CLEC19A: variants seen among roughly 807,000 people sequenced by gnomAD.
CLEC19A encodes the protein C-type lectin domain family 19 member A.
In CLEC19A, 21 loss-of-function variants were observed where a neutral mutation model predicts 26.1. That is an observed-to-expected ratio of 0.80 (90% CI 0.57 to 1.16). The LOEUF (loss-of-function observed/expected upper bound fraction) is 1.16. CLEC19A is among the 50% of genes most tolerant of loss of function. CLEC19A has a pLI of 0.00. For missense variants in CLEC19A, 224 were observed against 227.6 expected, an observed-to-expected ratio of 0.98 and a Z score of 0.10; for synonymous variants, 89 against 88.6, an observed-to-expected ratio of 1.00 and a Z score of -0.03.
chr16:19,304,253 G>A (rs1897902014), intron 3 of CLEC19A, 98 bp downstream of exon 3: 4 of 951,006 alleles, frequency 4.2e-6, no homozygotes, highest in Non-Finnish European at 4.9e-6. Context: ...TCACGGCTAT[G>A]CACACAGCAT....
intron 2 of CLEC19A, among the ~76,000 whole-genome samples, chr16:19,300,694 A>G (rs1897801885): frequency 6.6e-6 from 1 of 152,236 alleles, no homozygotes; most frequent in Non-Finnish European, 1.5e-5. Flanking sequence ...GTCAGGGTCC[A>G]ACCAGGAAAA....
intron 4 of CLEC19A, 126 bp downstream of exon 4, chr16:19,307,803 C>A: frequency 7.8e-7 from 1 of 1,285,170 alleles, no homozygotes; most frequent in Non-Finnish European, 1.1e-6. Flanking sequence ...TTGTTCAGCA[C>A]CTTGGAGAGC....
chr16:19,298,730 G>A lies in CLEC19A; in HGVS notation c.146G>A (p.Gly49Asp), dbSNP rs535984267. ...CCCCTGTTCTGGATGGAGTTCAAAGGCCACTGCTATCGATTCTTCCCTCTC... is the reference window on the plus strand; with the variant it reads ...CCCCTGTTCTGGATGGAGTTCAAAGACCACTGCTATCGATTCTTCCCTCTC... The part of the protein sequence containing the change: ...LCPLFWMEFK[G>D]HCYRFFPLNK... The change falls in exon 2 of 5, where the codon GGC becomes GAC. Residue 49 changes from glycine to aspartate, a missense_variant. Gly to Asp is a moderately conservative substitution (Grantham distance 94). Transcript: ENST00000636231. 3.0e-5 allele frequency: 46 copies of A among 1,550,972 alleles called. 1 individual carries two copies. The East Asian group carries it at 6.4e-4, about 21-fold the overall frequency.
At chr16:19,286,001 T>G in intron 1 of CLEC19A, 62 bp downstream of exon 1, 1 of 1,475,144 alleles carries the variant, frequency 6.8e-7, no homozygotes, top group Non-Finnish European at 9.3e-7. Flanking sequence ...GAACTTATTC[T>G]ATCGGTGAGG....
intron 1 of CLEC19A, among the ~76,000 whole-genome samples, chr16:19,295,969 A>G (rs1335922873): frequency 6.6e-6 from 1 of 152,204 alleles, no homozygotes; most frequent in Admixed American, 6.5e-5. Context: ...CTCTCCATCA[A>G]GAAAGGAGGG....
At chr16:19,299,745 C>G (rs896540580) in intron 2 of CLEC19A, among the ~76,000 whole-genome samples, 1 of 152,232 alleles carries the variant, frequency 6.6e-6, no homozygotes, top group African/African-American at 2.4e-5. Flanking sequence ...TTTATCACAG[C>G]TTTGCTACCT....
chr16:19,301,727 GTTTTTTTGGTTTTTT>G (rs1288727881), intron 2 of CLEC19A, among the ~76,000 whole-genome samples: 496 of 28,502 alleles, frequency 0.017, 19 homozygotes, highest in African/African-American at 0.04. Context: ...CCATGCCCAG[GTTTTTTTGGTTTTTT>G]TTTTTTTTTT....
rs1296377867 is a variant in CLEC19A, at chr16:19,309,892, C to T, written c.*809C>T. On this transcript the variant is annotated 3_prime_UTR_variant, in exon 5 of 5. Transcript: ENST00000636231. The stretch of plus-strand genomic sequence containing the variant: ...CTCCTGGGCTCAAGGGATCCACCCA[C>T]CTCAGCCTCCCAAAGTACTGGGATT... 6.6e-6 allele frequency: 1 copy of T among 152,112 alleles called. No individual in the cohort carries two copies. Among genetic ancestry groups the T allele is most frequent in the Non-Finnish European group, 1.5e-5 (1 of 68,078 alleles). The allele number at this position is 152,112 out of a possible 1,614,324, so 9.4% of individuals were successfully genotyped here. A position where few individuals can be genotyped will look rare whatever the true frequency, so the allele number is the denominator to read the frequency against.
At position 19,298,747 on chromosome 16, in the gene CLEC19A, T is replaced by C. The variant is rs1897756641; in HGVS notation, c.163T>C (p.Phe55Leu). ...GTTCAAAGGCCACTGCTATCGATTC[T>C]TCCCTCTCAATAAGACCTGGGCTGA... ...MEFKGHCYRF[F>L]PLNKTWAEAD... The change falls in exon 2 of 5, where the codon TTC (phenylalanine) becomes CTC (leucine). Residue 55 changes from phenylalanine (F) to leucine (L), a missense_variant. Phe to Leu is a conservative substitution (Grantham distance 22). Transcript: ENST00000636231. 2 of 1,550,894 alleles carry C rather than the reference T, an allele frequency of 1.3e-6. No homozygotes were observed. The highest frequency in any genetic ancestry group is 1.7e-6 in the Non-Finnish European group (2 of 1,147,112).
In CLEC19A at chr16:19,307,536, C is replaced by A. The variant is rs1897982502; in HGVS notation, c.349-9C>A. 1.3e-6 allele frequency: 2 copies of A among 1,547,690 alleles called. No homozygotes were observed. The highest frequency in any genetic ancestry group is 1.7e-6 in the Non-Finnish European group (2 of 1,146,644). The stretch of plus-strand genomic sequence containing the variant: ...TGCTTCTTTGTCTCTTTGGGTGGAA[C>A]CCTCCCAGGAAGGGCAGTTTGAATG... On this transcript the variant is annotated splice_polypyrimidine_tract_variant and intron_variant, in intron 3 of 4. Coordinates refer to ENST00000636231, the MANE Select transcript of CLEC19A (RefSeq NM_001256720.2).
chr16:19,303,481 T>C (rs890188657), intron 2 of CLEC19A, among the ~76,000 whole-genome samples: 1 of 152,218 alleles, frequency 6.6e-6, no homozygotes, highest in Non-Finnish European at 1.5e-5. Context: ...AAATAGAGGA[T>C]AAGAATCCCC....
chr16:19,304,083 A>T lies in CLEC19A; in HGVS notation c.276A>T (p.Val92=). 6.4e-7 allele frequency: 1 copy of T among 1,550,518 alleles called. No homozygotes were observed. Among genetic ancestry groups the T allele is most frequent in the Non-Finnish European group, 8.7e-7 (1 of 1,146,926 alleles). Residue 92 remains valine (V), a synonymous_variant, in exon 3 of 5, where the codon GTA becomes GTT. Transcript: ENST00000636231. The part of the protein sequence containing the change: ...SIHSWEENVF[V]YDLVNSCVPG... ...GCAGCTGGGAGGAGAATGTCTTTGT[A>T]TATGACCTCGTGAACAGCTGTGTTC...
chr16:19,299,950 G>A (rs1432461908), intron 2 of CLEC19A, among the ~76,000 whole-genome samples: 1 of 152,180 alleles, frequency 6.6e-6, no homozygotes, highest in Non-Finnish European at 1.5e-5. Context: ...GGGGCCAGGT[G>A]TGTTGGCTCA....
At chr16:19,302,089 T>C (rs1019111103) in intron 2 of CLEC19A, among the ~76,000 whole-genome samples, 2 of 152,096 alleles carry the variant, frequency 1.3e-5, no homozygotes, top group Non-Finnish European at 2.9e-5. Context: ...GAGCAAGGCT[T>C]GTCTCACTCT....
At chr16:19,297,603 T>C (rs886153248) in intron 1 of CLEC19A, among the ~76,000 whole-genome samples, 4 of 152,194 alleles carry the variant, frequency 2.6e-5, no homozygotes, top group African/African-American at 9.7e-5. Context: ...AGAGAATGAT[T>C]AAATAAACTC....
At chr16:19,301,824 C>T (rs1339514620) in intron 2 of CLEC19A, among the ~76,000 whole-genome samples, 3 of 135,220 alleles carry the variant, frequency 2.2e-5, no homozygotes, top group Non-Finnish European at 1.5e-5. Flanking sequence ...ATCTCTTGAC[C>T]TCGTGATCTG....
chr16:19,288,369 C>T (rs1015011312), intron 1 of CLEC19A, among the ~76,000 whole-genome samples: 6 of 152,090 alleles, frequency 3.9e-5, no homozygotes. Flanking sequence ...AATACATGTA[C>T]CTCCAAGGTC....
chr16:19,304,331 A>T, intron 3 of CLEC19A, 176 bp downstream of exon 3: 2 of 519,680 alleles, frequency 3.8e-6, no homozygotes, highest in South Asian at 2.1e-5. Flanking sequence ...ACATTTAATG[A>T]TGTCCTACTA....
intron 1 of CLEC19A, among the ~76,000 whole-genome samples, chr16:19,289,862 G>A (rs1158686556): frequency 6.6e-6 from 1 of 152,214 alleles, no homozygotes; most frequent in Admixed American, 6.5e-5. Context: ...AGGGCACTGA[G>A]GGTGACTGAG....
Sources: allele counts gnomAD v4.1 joint callset (sites outside exome capture counted in the v4.1 genomes callset), GRCh38; gene constraint gnomAD v4.1.1; transcripts MANE v1.5; gene names NCBI Gene and HGNC (gene_info 2026-07-23, HGNC 2026-07-21).